Variants in ZMAT4 observed in about 807,000 individuals in gnomAD.
The protein encoded by ZMAT4 is zinc finger matrin-type protein 4.
Under a neutral mutation model 28.7 loss-of-function variants are expected in ZMAT4, and 17 were observed. The observed-to-expected ratio is 0.59, with a 90% CI of 0.41 to 0.89. ZMAT4 has a LOEUF of 0.89. ZMAT4 is among the 40% of genes least tolerant of loss of function. ZMAT4 has a pLI of 0.00. For synonymous variants in ZMAT4, 117 were observed against 109.2 expected (o/e 1.07, Z -0.44); for missense variants, 240 against 283.8 (o/e 0.85, Z 1.11).
intron 1 of ZMAT4, among the ~76,000 whole-genome samples, chr8:40,843,973 C>A (rs1300345398): frequency 6.6e-6 from 1 of 152,074 alleles, no homozygotes; most frequent in African/African-American, 2.4e-5. Context: ...CACAGTGCAC[C>A]TAGAAAACGG....
intron 3 of ZMAT4, among the ~76,000 whole-genome samples, chr8:40,727,354 T>C (rs1040191200): frequency 1.5e-4 from 23 of 152,120 alleles, no homozygotes; most frequent in African/African-American, 5.1e-4. Context: ...GAACTTCCAC[T>C]CCCCACCTCA....
At chr8:40,729,745 C>G (rs771604846) in intron 3 of ZMAT4, among the ~76,000 whole-genome samples, 1 of 152,030 alleles carries the variant, frequency 6.6e-6, no homozygotes, top group Non-Finnish European at 1.5e-5. Context: ...ACTACAGGCA[C>G]GTGCCACCAC....
intron 3 of ZMAT4, among the ~76,000 whole-genome samples, chr8:40,719,714 T>A (rs1393287223): frequency 6.6e-6 from 1 of 152,056 alleles, no homozygotes. Context: ...GGACTACAGG[T>A]GTCCACCACC....
chr8:40,576,899 T>C (rs974661373), intron 6 of ZMAT4, among the ~76,000 whole-genome samples: 6 of 152,146 alleles, frequency 3.9e-5, no homozygotes, highest in African/African-American at 1.2e-4. Flanking sequence ...AGTCAGTGTA[T>C]TTAAGAAATG....
chr8:40,725,381 C>A (rs1811276039), intron 3 of ZMAT4, among the ~76,000 whole-genome samples: 1 of 152,020 alleles, frequency 6.6e-6, no homozygotes, highest in African/African-American at 2.4e-5. Context: ...GGGGGGATAT[C>A]TTTTGTTCTA....
intron 5 of ZMAT4, among the ~76,000 whole-genome samples, chr8:40,589,731 C>CCTTTCTTTCTTTCTTTTTCTTT (rs1554523990): frequency 4.3e-5 from 6 of 139,274 alleles, no homozygotes; most frequent in African/African-American, 1.6e-4. Context: ...TTCTTCCTTT[C>CCTTTCTTTCTTTCTTTTTCTTT]CTTTCTTTCT....
rs116828875 is a variant in ZMAT4, at chr8:40,831,307, C to T, written c.-4-5627G>A. Among the ~76,000 whole-genome samples the T allele has an allele frequency of 2.9e-3, 440 of 152,310 alleles. 1 individual carries two copies. Among genetic ancestry groups the T allele is most frequent in the African/African-American group, 9.7e-3 (402 of 41,574 alleles). On this transcript the variant is annotated intron_variant, in intron 1 of 6. Transcript: ENST00000297737. ...TGTTGTCACAAGGTGCTGACCCTGA[C>T]GGACGGAGAAGTTTGATGAGAACTT... is the stretch of plus-strand genomic sequence containing the variant.
intron 5 of ZMAT4, among the ~76,000 whole-genome samples, chr8:40,623,897 T>A (rs1806284542): frequency 6.6e-6 from 1 of 152,166 alleles, no homozygotes; most frequent in African/African-American, 2.4e-5. Flanking sequence ...CTAGTGGCCC[T>A]TTGTCCCTGG....
chr8:40,825,489 CAGA>C, intron 2 of ZMAT4, 83 bp downstream of exon 2: 1 of 1,180,096 alleles, frequency 8.5e-7, no homozygotes, highest in Non-Finnish European at 1.2e-6. Context: ...GCCCCAAGTC[CAGA>C]AGGAGGATCC....
chr8:40,532,579 A>G (rs1221266346), intron 6 of ZMAT4, among the ~76,000 whole-genome samples: 1 of 152,218 alleles, frequency 6.6e-6, no homozygotes, highest in Non-Finnish European at 1.5e-5. Flanking sequence ...AGTTTCAGGT[A>G]TAACTACATG....
chr8:40,697,165 C>G, intron 4 of ZMAT4, 80 bp downstream of exon 4: 3 of 1,453,804 alleles, frequency 2.1e-6, no homozygotes, highest in African/African-American at 2.8e-5. Flanking sequence ...GCAACTGCGT[C>G]TGAAGGAGGA....
chr8:40,770,399 G>A (rs1046964274), intron 2 of ZMAT4, among the ~76,000 whole-genome samples: 8 of 151,850 alleles, frequency 5.3e-5, no homozygotes, highest in East Asian at 3.9e-4. Context: ...CCTGCAGATC[G>A]TTCCTGGGGT....
intron 3 of ZMAT4, among the ~76,000 whole-genome samples, chr8:40,698,875 C>A (rs1045782498): frequency 6.0e-4 from 91 of 151,508 alleles, no homozygotes; most frequent in Admixed American, 1.6e-3. Context: ...GTGGAAGGGA[C>A]CACTGGAGAG....
intron 5 of ZMAT4, among the ~76,000 whole-genome samples, chr8:40,592,181 C>T (rs1393456144): frequency 6.6e-6 from 1 of 152,138 alleles, no homozygotes; most frequent in Non-Finnish European, 1.5e-5. Flanking sequence ...TAAGGAACCT[C>T]AGGGACAAAC....
intron 3 of ZMAT4, among the ~76,000 whole-genome samples, chr8:40,710,037 C>CAAAAAAA (rs35882795): frequency 6.4e-5 from 5 of 78,286 alleles, no homozygotes; most frequent in African/African-American, 1.2e-4. Flanking sequence ...GACCCAGTCT[C>CAAAAAAA]AAAAAAAAAA....
chr8:40,806,520 A>T (rs779762276), intron 2 of ZMAT4, among the ~76,000 whole-genome samples: 7 of 152,106 alleles, frequency 4.6e-5, no homozygotes, highest in Non-Finnish European at 1.0e-4. Flanking sequence ...AAACAACCAC[A>T]TTTCGTTTTT....
rs372533515 is a variant in ZMAT4 at position 40,552,545 on chromosome 8, A to G, written c.675-20307T>C. Among the ~76,000 whole-genome samples the G allele has an allele frequency of 1.4e-4, 21 of 152,324 alleles. No individual in the cohort carries two copies. In the East Asian group the frequency reaches 3.7e-3, roughly 27 times the overall value. On this transcript the variant is annotated intron_variant, in intron 6 of 6. Coordinates refer to ENST00000297737, the MANE Select transcript of ZMAT4 (RefSeq NM_024645.3). ...TTTAACTAACATTTACTGAACTCCTACTTGTGCCAGGCATTGTGTTCTGTT... is the reference window on the plus strand; with the variant it reads ...TTTAACTAACATTTACTGAACTCCTGCTTGTGCCAGGCATTGTGTTCTGTT...
intron 2 of ZMAT4, among the ~76,000 whole-genome samples, chr8:40,807,731 T>G (rs1308482088): frequency 4.6e-5 from 7 of 152,036 alleles, no homozygotes; most frequent in Non-Finnish European, 2.9e-5. Context: ...AAATTCTAAA[T>G]GCCATAGAGG....
intron 1 of ZMAT4, among the ~76,000 whole-genome samples, chr8:40,859,430 C>T (rs36048489): frequency 0.031 from 4,763 of 152,056 alleles, 121 homozygotes; most frequent in South Asian, 0.085. Flanking sequence ...AAATCCCTGC[C>T]GGTGGCAGTA....
Sources: gnomAD v4.1 joint callset for allele counts (sites outside exome capture counted in the v4.1 genomes callset) on GRCh38, gnomAD v4.1.1 for gene constraint, MANE v1.5 for transcripts, NCBI Gene and HGNC (gene_info 2026-07-23, HGNC 2026-07-21) for gene names.